FBN1: variants seen among roughly 807,000 people sequenced by gnomAD.
The protein encoded by FBN1 is fibrillin-1.
A neutral mutation model predicts 365.1 loss-of-function variants in FBN1; 29 were observed. The observed-to-expected ratio is 0.08, with a 90% CI of 0.06 to 0.11. The LOEUF (loss-of-function observed/expected upper bound fraction) is 0.11. Ranked by LOEUF, FBN1 falls within the 10% of genes least tolerant of loss-of-function variation. FBN1 has a pLI of 1.00. For missense variants in FBN1, 2,476 were observed against 3,703.2 expected (o/e 0.67, Z 8.60); for synonymous variants, 1,210 against 1,270.5 (o/e 0.95, Z 1.01).
intron 6 of FBN1, among the ~76,000 whole-genome samples, chr15:48,543,645 G>T (rs1469980064): frequency 6.6e-6 from 1 of 152,156 alleles, no homozygotes; most frequent in Non-Finnish European, 1.5e-5. Flanking sequence ...TAAGGCAATT[G>T]TCTAGAACTT....
rs1205705594 is a variant in FBN1, at chr15:48,644,803, T to G, written c.-34A>C. On this transcript the variant is annotated 5_prime_UTR_variant, in exon 2 of 66. Transcript: ENST00000316623. ...GCCGCCACCGGCTCCCGCCGCCTCT[T>G]GCCGCGCCCGGGGCTCGGTCTGCGG... The G allele has an allele frequency of 1.9e-6, 3 of 1,597,286 alleles. No homozygotes were observed. The African/African-American group carries it at 4.0e-5, about 21-fold the overall frequency.
chr15:48,432,829 C>A, intron 55 of FBN1, 37 bp downstream of exon 55: 1 of 1,612,690 alleles, frequency 6.2e-7, no homozygotes, highest in Non-Finnish European at 8.5e-7. Flanking sequence ...ACAGATAAAG[C>A]TTCCTGGCTT....
rs777593835 is a variant in FBN1 at position 48,445,517 on chromosome 15, C to T, written c.5789-13G>A. 3 of 1,610,894 alleles carry T rather than the reference C, an allele frequency of 1.9e-6. No homozygotes were observed. The highest frequency in any genetic ancestry group is 2.5e-6 in the Non-Finnish European group (3 of 1,177,804). ...CATTCATCAACATCTGCAGAAAAATCCCCAACAATCCTTTAATATATTCCA... is the reference window on the plus strand; with the variant it reads ...CATTCATCAACATCTGCAGAAAAATTCCCAACAATCCTTTAATATATTCCA... On this transcript the variant is annotated splice_polypyrimidine_tract_variant and intron_variant, in intron 47 of 65. Coordinates refer to ENST00000316623, the MANE Select transcript of FBN1 (RefSeq NM_000138.5).
Position 48,504,949 on chromosome 15 carries a change from C to T in FBN1, c.1960+76G>A, listed in dbSNP as rs17361868. The T allele has an allele frequency of 0.057, 89,894 of 1,576,856 alleles. 2,966 individuals carry two copies. The highest frequency in any genetic ancestry group is 0.14 in the East Asian group (6,257 of 44,646). Reference sequence around the variant, plus strand: ...ATATCTTATCTGCTACAGTAGAGAGCGTTTGTTACCATTGGGCTTTATTGA... The same window carrying T: ...ATATCTTATCTGCTACAGTAGAGAGTGTTTGTTACCATTGGGCTTTATTGA... On this transcript the variant is annotated intron_variant, in intron 16 of 65. Coordinates refer to ENST00000316623, the MANE Select transcript of FBN1 (RefSeq NM_000138.5).
chr15:48,446,330 T>C lies in FBN1; in HGVS notation c.5788+376A>G, dbSNP rs571396713. On this transcript the variant is annotated intron_variant, in intron 47 of 65. Coordinates refer to ENST00000316623, the MANE Select transcript of FBN1 (RefSeq NM_000138.5). ...GCACAAGAAAGTACAGTCATATAACTTTTATTACAGTATACTGTTATAATT... is the reference window on the plus strand; with the variant it reads ...GCACAAGAAAGTACAGTCATATAACCTTTATTACAGTATACTGTTATAATT... Among the ~76,000 whole-genome samples, 10 of 152,256 alleles carry C rather than the reference T, an allele frequency of 6.6e-5. No individual in the cohort carries two copies. The South Asian group carries it at 1.9e-3, about 28-fold the overall frequency.
intron 6 of FBN1, among the ~76,000 whole-genome samples, chr15:48,555,758 G>T (rs1450679781): frequency 1.3e-5 from 2 of 152,098 alleles, no homozygotes; most frequent in African/African-American, 4.8e-5. Context: ...AATTGCTCTT[G>T]CTTCCCCTGG....
chr15:48,446,123 C>A (rs2043156615), intron 47 of FBN1, among the ~76,000 whole-genome samples: 1 of 151,944 alleles, frequency 6.6e-6, no homozygotes, highest in Non-Finnish European at 1.5e-5. Context: ...TAATTTACAG[C>A]AAAGTAGACA....
rs1307064460 is a variant in FBN1, at chr15:48,421,546, G to A, written c.7699+12C>T. On this transcript the variant is annotated intron_variant, in intron 62 of 65. Coordinates refer to ENST00000316623, the MANE Select transcript of FBN1 (RefSeq NM_000138.5). ...ATTCACCAGCTGGATCGCAGCTGAA[G>A]TCTCCACCCACCTTCACAGCTGGAG... The A allele has an allele frequency of 1.9e-6, 3 of 1,611,150 alleles. No individual in the cohort carries two copies. The highest frequency in any genetic ancestry group is 3.3e-5 in the Admixed American group (2 of 59,880).
intron 2 of FBN1, among the ~76,000 whole-genome samples, chr15:48,613,564 C>T (rs1030852517): frequency 6.6e-6 from 1 of 152,112 alleles, no homozygotes; most frequent in Admixed American, 6.6e-5. Flanking sequence ...ACTAAAATTA[C>T]AGGAACGCAA....
At chr15:48,456,421 A>AAAGGGGCTG (rs2043238594) in intron 44 of FBN1, among the ~76,000 whole-genome samples, 1 of 152,156 alleles carries the variant, frequency 6.6e-6, no homozygotes, top group Admixed American at 6.5e-5. Flanking sequence ...GTGTTGGGGG[A>AAAGGGGCTG]AAGGGGCTGG....
At chr15:48,620,463 A>T (rs1335003020) in intron 2 of FBN1, among the ~76,000 whole-genome samples, 1 of 152,188 alleles carries the variant, frequency 6.6e-6, no homozygotes, top group Non-Finnish European at 1.5e-5. Flanking sequence ...TAATGTGAGG[A>T]AGCTGGGCCA....
intron 6 of FBN1, among the ~76,000 whole-genome samples, chr15:48,555,913 A>C (rs889361808): frequency 2.0e-5 from 3 of 152,170 alleles, no homozygotes; most frequent in Non-Finnish European, 2.9e-5. Flanking sequence ...TTTGCCTTCT[A>C]CATTTCTAAT....
intron 6 of FBN1, among the ~76,000 whole-genome samples, chr15:48,543,507 G>C (rs529708763): frequency 6.6e-6 from 1 of 152,294 alleles, no homozygotes; most frequent in South Asian, 2.1e-4. Context: ...TTGTCAAAAA[G>C]TGTCAAGGCT....
In FBN1 at chr15:48,520,640, T is replaced by C. The variant is rs369942195; in HGVS notation, c.1147+19A>G. The C allele has an allele frequency of 6.8e-6, 11 of 1,613,594 alleles. No homozygotes were observed. Among genetic ancestry groups the C allele is most frequent in the African/African-American group, 1.3e-5 (1 of 74,898 alleles). ...GGGCTGGGATGGGATATTCTGCAGA[T>C]AACTGGAAGGGCTCTTACCGGTTGC... On this transcript the variant is annotated intron_variant, in intron 10 of 65. Transcript: ENST00000316623.
intron 2 of FBN1, chr15:48,642,061 C>G (rs2140782446): frequency 6.6e-6 from 1 of 152,280 alleles, no homozygotes; most frequent in Non-Finnish European, 1.5e-5. Context: ...CACTAGGGAA[C>G]TGTTCCAGTG....
chr15:48,628,978 T>A (rs1889936834), intron 2 of FBN1, among the ~76,000 whole-genome samples: 1 of 152,252 alleles, frequency 6.6e-6, no homozygotes, highest in East Asian at 1.9e-4. Context: ...TACAGGGGAC[T>A]GAGAAACATG....
At chr15:48,437,410 TAG>T (rs1330545417) in intron 51 of FBN1, 23 bp from the exon 52 acceptor site, 1 of 1,583,672 alleles carries the variant, frequency 6.3e-7, no homozygotes, top group Non-Finnish European at 8.7e-7. Context: ...CACTCATTAA[TAG>T]ATAGAACAAT....
At chr15:48,469,378 G>T (rs912278725) in intron 36 of FBN1, among the ~76,000 whole-genome samples, 3 of 152,022 alleles carry the variant, frequency 2.0e-5, no homozygotes, top group African/African-American at 7.2e-5. Context: ...TGTTCCCTGA[G>T]GTCGGCAAGG....
At chr15:48,585,501 G>T (rs1391284505) in intron 6 of FBN1, among the ~76,000 whole-genome samples, 1 of 151,982 alleles carries the variant, frequency 6.6e-6, no homozygotes, top group Non-Finnish European at 1.5e-5. Flanking sequence ...AAATATTGTT[G>T]TCCAGAATGT....
Sources: gnomAD v4.1 joint callset for allele counts (sites outside exome capture counted in the v4.1 genomes callset) on GRCh38, gnomAD v4.1.1 for gene constraint, MANE v1.5 for transcripts, NCBI Gene and HGNC (gene_info 2026-07-23, HGNC 2026-07-21) for gene names.